CPQ: variants seen among roughly 807,000 people sequenced by gnomAD.
CPQ encodes the protein carboxypeptidase Q, also known as Ser-Met dipeptidase.
CPQ carries 37 observed loss-of-function variants against 45.7 expected under a neutral mutation model. The observed-to-expected ratio is 0.81, with a 90% CI of 0.62 to 1.07. The LOEUF (loss-of-function observed/expected upper bound fraction) is 1.07, where lower values mean the gene tolerates loss of function less well. Among genes scored for constraint, CPQ ranks in the 50% least tolerant of loss-of-function variants. CPQ has a pLI of 0.00. For missense variants in CPQ, 537 were observed against 572.9 expected (o/e 0.94, Z 0.64); for synonymous variants, 186 against 205.8 (o/e 0.90, Z 0.82).
chr8:96,868,614 A>G (rs1812024660), intron 3 of CPQ, among the ~76,000 whole-genome samples: 1 of 152,026 alleles, frequency 6.6e-6, no homozygotes. Flanking sequence ...GATTTTTTTT[A>G]AAGTATAAAC....
rs183661420 is a variant in CPQ at position 96,668,333 on chromosome 8, A to G, written c.-35+22931A>G. ...ACATTTAGATATTGAAAATCTAAACATGAATCTTACATGGTTCTCATCTTC... is the reference window on the plus strand; with the variant it reads ...ACATTTAGATATTGAAAATCTAAACGTGAATCTTACATGGTTCTCATCTTC... On this transcript the variant is annotated intron_variant, in intron 1 of 7. Transcript: ENST00000220763. Among the ~76,000 whole-genome samples the G allele has an allele frequency of 2.6e-4, 39 of 152,380 alleles. No homozygotes were observed. The East Asian group carries it at 6.4e-3, about 25-fold the overall frequency.
At chr8:96,781,423 G>A (rs569221845) in intron 1 of CPQ, among the ~76,000 whole-genome samples, 1 of 151,996 alleles carries the variant, frequency 6.6e-6, no homozygotes, top group Admixed American at 6.6e-5. Context: ...AGCAAGAGGG[G>A]GTAAACTCAC....
At chr8:97,019,335 A>G (rs928339726) in intron 5 of CPQ, among the ~76,000 whole-genome samples, 2 of 152,224 alleles carry the variant, frequency 1.3e-5, no homozygotes, top group Non-Finnish European at 2.9e-5. Flanking sequence ...AAACCAAAGT[A>G]TACAGGCAAC....
intron 7 of CPQ, among the ~76,000 whole-genome samples, chr8:97,098,573 A>G (rs1811248733): frequency 6.6e-6 from 1 of 152,148 alleles, no homozygotes; most frequent in South Asian, 2.1e-4. Flanking sequence ...ACCCAGAGCC[A>G]TATTCCTGCT....
intron 7 of CPQ, among the ~76,000 whole-genome samples, chr8:97,089,419 A>G (rs936931530): frequency 2.0e-5 from 3 of 152,154 alleles, no homozygotes; most frequent in African/African-American, 7.2e-5. Flanking sequence ...TCCAGGGGGT[A>G]GTCCATAGTC....
At chr8:96,652,523 ATCTTTAGTTTTTTTGAGGACCC>A (rs1177208660) in intron 1 of CPQ, among the ~76,000 whole-genome samples, 10 of 152,114 alleles carry the variant, frequency 6.6e-5, no homozygotes, top group African/African-American at 2.4e-4. Flanking sequence ...TGATAGTTCT[ATCTTTAGTTTTTTTGAGGACCC>A]TCCATGAAGT....
intron 6 of CPQ, among the ~76,000 whole-genome samples, chr8:97,049,348 G>C (rs938272481): frequency 6.6e-6 from 1 of 152,212 alleles, no homozygotes; most frequent in Non-Finnish European, 1.5e-5. Context: ...GAGACCCAAA[G>C]GATGTCAAAG....
chr8:96,782,175 C>A (rs1184196799), intron 1 of CPQ, among the ~76,000 whole-genome samples: 1 of 152,196 alleles, frequency 6.6e-6, no homozygotes, highest in African/African-American at 2.4e-5. Context: ...CAGCTCTGCT[C>A]CTGCAGCAGA....
intron 1 of CPQ, among the ~76,000 whole-genome samples, chr8:96,660,647 G>GTGTT (rs1415520071): frequency 6.7e-6 from 1 of 150,272 alleles, no homozygotes; most frequent in African/African-American, 2.5e-5. Flanking sequence ...GTGTGTGTGT[G>GTGTT]TGTGTGTGTG....
chr8:96,694,042 T>A (rs1458362846), intron 1 of CPQ, among the ~76,000 whole-genome samples: 1 of 152,128 alleles, frequency 6.6e-6, no homozygotes, highest in Non-Finnish European at 1.5e-5. Context: ...AAGTCACCAG[T>A]TTAAAATAAT....
rs114761071 is a variant in CPQ, at chr8:96,849,299, C to T, written c.641+14119C>T. 5.3e-3 allele frequency among the ~76,000 whole-genome samples: 812 copies of T among 152,284 alleles called. 4 individuals are homozygous for T. Among genetic ancestry groups the T allele is most frequent in the African/African-American group, 0.015 (633 of 41,560 alleles). ...AGGAATTAATGAGGATTGGATACCTCGACTGCAGTTCTGCATATCTGATAA... is the reference window on the plus strand; with the variant it reads ...AGGAATTAATGAGGATTGGATACCTTGACTGCAGTTCTGCATATCTGATAA... On this transcript the variant is annotated intron_variant, in intron 3 of 7. Coordinates refer to ENST00000220763, the MANE Select transcript of CPQ (RefSeq NM_016134.4).
intron 4 of CPQ, among the ~76,000 whole-genome samples, chr8:96,918,632 G>A (rs555267873): frequency 4.6e-5 from 7 of 152,036 alleles, no homozygotes; most frequent in African/African-American, 4.8e-5. Flanking sequence ...ACTGAATGGG[G>A]AAGGAGACTA....
At chr8:96,844,539 T>C (rs1034646301) in intron 3 of CPQ, among the ~76,000 whole-genome samples, 3 of 152,240 alleles carry the variant, frequency 2.0e-5, no homozygotes, top group Non-Finnish European at 4.4e-5. Flanking sequence ...TTCTCATCTG[T>C]AACATGTGGA....
intron 4 of CPQ, among the ~76,000 whole-genome samples, chr8:96,883,066 A>G (rs899156349): frequency 1.3e-5 from 2 of 152,218 alleles, no homozygotes; most frequent in Admixed American, 6.5e-5. Context: ...TTCACTCAGC[A>G]TAATGCTTTT....
chr8:97,056,179 G>A (rs938113539), intron 6 of CPQ, among the ~76,000 whole-genome samples: 12 of 152,092 alleles, frequency 7.9e-5, no homozygotes, highest in African/African-American at 2.7e-4. Flanking sequence ...TGTGACAGCA[G>A]CAATAGGAAA....
At chr8:96,863,208 C>G (rs1203617844) in intron 3 of CPQ, among the ~76,000 whole-genome samples, 1 of 151,986 alleles carries the variant, frequency 6.6e-6, no homozygotes, top group Non-Finnish European at 1.5e-5. Flanking sequence ...TATAAGGAAA[C>G]ATGTTTGGAG....
intron 1 of CPQ, among the ~76,000 whole-genome samples, chr8:96,701,924 A>G (rs948447493): frequency 6.6e-6 from 1 of 152,118 alleles, no homozygotes; most frequent in African/African-American, 2.4e-5. Flanking sequence ...AACTTTCCAT[A>G]TTCTCCAGCT....
chr8:97,074,932 G>A (rs925559906), intron 7 of CPQ, among the ~76,000 whole-genome samples: 1 of 152,108 alleles, frequency 6.6e-6, no homozygotes, highest in Admixed American at 6.6e-5. Flanking sequence ...GTACCTCTAG[G>A]CCAGATGAAA....
intron 2 of CPQ, among the ~76,000 whole-genome samples, chr8:96,818,841 C>T (rs774103631): frequency 6.6e-6 from 1 of 152,072 alleles, no homozygotes; most frequent in Non-Finnish European, 1.5e-5. Flanking sequence ...GTTATTCAAT[C>T]CTCATCAAAT....
Sources: gnomAD v4.1 joint callset for allele counts (sites outside exome capture counted in the v4.1 genomes callset) on GRCh38, gnomAD v4.1.1 for gene constraint, MANE v1.5 for transcripts, NCBI Gene and HGNC (gene_info 2026-07-23, HGNC 2026-07-21) for gene names.